Variants in AKAP9 observed in about 807,000 individuals in gnomAD.
The protein encoded by AKAP9 is A-kinase anchoring protein 9.
AKAP9 carries 311 observed loss-of-function variants against 488.5 expected under a neutral mutation model. That is an observed-to-expected ratio of 0.64 (90% CI 0.58 to 0.70). The LOEUF is 0.70. Ranked by LOEUF, AKAP9 falls within the 30% of genes least tolerant of loss-of-function variation. AKAP9 has a pLI of 0.00. For synonymous variants in AKAP9, 1,462 were observed against 1,483.5 expected, an observed-to-expected ratio of 0.99 and a Z score of 0.33; for missense variants, 4,215 against 4,374.5, an observed-to-expected ratio of 0.96 and a Z score of 1.03.
intron 48 of AKAP9, 40 bp from the exon 49 acceptor site, chr7:92,108,454 C>T: frequency 6.2e-7 from 1 of 1,610,594 alleles, no homozygotes; most frequent in Non-Finnish European, 8.5e-7. Context: ...ATGCATATTT[C>T]TGGATAACTT....
At chr7:91,976,766 A>G (rs1002987102) in intron 2 of AKAP9, among the ~76,000 whole-genome samples, 3 of 152,066 alleles carry the variant, frequency 2.0e-5, no homozygotes, top group South Asian at 2.1e-4. Flanking sequence ...ACTTAGATCT[A>G]CTACTGAGTC....
chr7:92,079,542 C>G lies in AKAP9; in HGVS notation c.7409C>G (p.Thr2470Arg), dbSNP rs1181295602. ...KDKPELEVVL[T>R]EDALKSLENQ... ...AAACCTGAACTAGAAGTAGTCCTTA[C>G]AGAGGATGCTCTTAAATCCCTAGAA... The change falls in exon 31 of 50, where the codon ACA (threonine) becomes AGA (arginine). Residue 2470 changes from threonine to arginine, a missense_variant. This residue lies in a region of AKAP9 where 1,476 missense variants were observed against 1,477.4 expected (regional missense o/e 1.00). Transcript: ENST00000356239. 2 of 1,613,780 alleles carry G rather than the reference C, an allele frequency of 1.2e-6. No homozygotes were observed. The highest frequency in any genetic ancestry group is 2.2e-5 in the South Asian group (2 of 91,078).
At chr7:92,016,915 C>G in intron 11 of AKAP9, 102 bp from the exon 12 acceptor site, 1 of 850,058 alleles carries the variant, frequency 1.2e-6, no homozygotes, top group Non-Finnish European at 1.9e-6. Flanking sequence ...TTACTTCTAG[C>G]AGGCAATTTT....
chr7:91,971,300 T>C (rs1186735913), intron 1 of AKAP9, among the ~76,000 whole-genome samples: 1 of 152,210 alleles, frequency 6.6e-6, no homozygotes, highest in Non-Finnish European at 1.5e-5. Context: ...CAAATCTTTC[T>C]CAGTTCCAAA....
Position 91,946,708 on chromosome 7 carries a change from T to G in AKAP9, c.48+5561T>G, listed in dbSNP as rs118036234. ...TCGGAATGAAGCAAAACATGGTGTT[T>G]AGAGAGAGAATGTGGAGGAAGGAAC... On this transcript the variant is annotated intron_variant, in intron 1 of 49. Coordinates refer to ENST00000356239, the MANE Select transcript of AKAP9 (RefSeq NM_005751.5). Among the ~76,000 whole-genome samples, 9 of 152,238 alleles carry G rather than the reference T, an allele frequency of 5.9e-5. No individual in the cohort carries two copies. The East Asian group carries it at 1.5e-3, about 26-fold the overall frequency.
chr7:92,109,048 A>AT, intron 49 of AKAP9: 10 of 237,534 alleles, frequency 4.2e-5, no homozygotes, highest in East Asian at 1.8e-4. Flanking sequence ...CCTGTCTCAA[A>AT]GAAAAAAAAA....
In AKAP9 at chr7:92,079,094, A is replaced by G. The variant is rs1290288696; in HGVS notation, c.6961A>G (p.Asn2321Asp). 2 of 1,605,640 alleles carry G rather than the reference A, an allele frequency of 1.2e-6. No homozygotes were observed. The highest frequency in any genetic ancestry group is 2.7e-5 in the African/African-American group (2 of 74,210). The change falls in exon 31 of 50, where the codon AAT becomes GAT. Residue 2321 changes from asparagine (N) to aspartate (D), a missense_variant. Physicochemically the swap from Asn to Asp is conservative, Grantham distance 23. Coordinates refer to ENST00000356239, the MANE Select transcript of AKAP9 (RefSeq NM_005751.5). ...TAATTATTAGGTTATTGAAGAAAAA[A>G]ATGAACTGATAAGGGATCTTGAAAC... ...TTDNKVIEEKNELIRDLETQI... is the reference protein window; with the variant it reads ...TTDNKVIEEKDELIRDLETQI...
At chr7:92,008,242 C>A (rs758619607) in intron 8 of AKAP9, among the ~76,000 whole-genome samples, 2 of 152,034 alleles carry the variant, frequency 1.3e-5, no homozygotes, top group Non-Finnish European at 2.9e-5. Flanking sequence ...GGGCGCGTGC[C>A]TGTAATCCTA....
At position 92,083,638 on chromosome 7, in the gene AKAP9, T is replaced by C. The variant is rs1287079089; in HGVS notation, c.8629T>C (p.Cys2877Arg). The C allele has an allele frequency of 6.2e-7, 1 of 1,611,482 alleles. No individual in the cohort carries two copies. The highest frequency in any genetic ancestry group is 1.1e-5 in the South Asian group (1 of 90,248). ...ECGTLKAVIQCLRSKEGSSIP... is the reference protein window; with the variant it reads ...ECGTLKAVIQRLRSKEGSSIP... ...TGGTACCTTGAAGGCAGTGATACAG[T>C]GTCTGAGAAGTAAAGAGGTATTTGG... The change falls in exon 33 of 50, where the codon TGT (cysteine) becomes CGT (arginine). Residue 2877 changes from cysteine (C) to arginine (R), a missense_variant. Around this residue, in one of 5 missense-constraint regions of AKAP9, gnomAD observed 1,476 missense variants for 1,477.4 expected, o/e 1.00. Transcript: ENST00000356239.
chr7:92,020,504 G>A (rs2130726011), intron 12 of AKAP9, among the ~76,000 whole-genome samples: 1 of 151,924 alleles, frequency 6.6e-6, no homozygotes, highest in Non-Finnish European at 1.5e-5. Context: ...CTCTTTTTTC[G>A]TTACTTTAAA....
At chr7:92,107,576 C>T in intron 48 of AKAP9, 154 bp downstream of exon 48, 1 of 729,446 alleles carries the variant, frequency 1.4e-6, no homozygotes, top group East Asian at 2.9e-5. Flanking sequence ...GTGGCTCACA[C>T]CTATAATCCC....
At chr7:92,109,065 A>G (rs1584610847) in intron 49 of AKAP9, 2 of 278,122 alleles carry the variant, frequency 7.2e-6, no homozygotes, top group East Asian at 5.7e-5. Flanking sequence ...AAAAAAAAAA[A>G]GAAAGTGGTA....
At chr7:92,095,723 T>A (rs928654703) in intron 40 of AKAP9, among the ~76,000 whole-genome samples, 5 of 152,186 alleles carry the variant, frequency 3.3e-5, no homozygotes, top group Non-Finnish European at 7.3e-5. Context: ...AGAGCTCTTC[T>A]AGCCACGTAA....
At chr7:92,084,231 G>A (rs1413005139) in intron 33 of AKAP9, among the ~76,000 whole-genome samples, 1 of 152,068 alleles carries the variant, frequency 6.6e-6, no homozygotes, top group Non-Finnish European at 1.5e-5. Context: ...TATCATTGAT[G>A]GGCATTTGGG....
chr7:92,073,214 A>T (rs2130848246), intron 28 of AKAP9, among the ~76,000 whole-genome samples: 1 of 152,064 alleles, frequency 6.6e-6, no homozygotes, highest in South Asian at 2.1e-4. Flanking sequence ...AAAAGGAAAC[A>T]GGCCAGGCGT....
intron 27 of AKAP9, among the ~76,000 whole-genome samples, chr7:92,070,494 G>A (rs1233968304): frequency 1.3e-5 from 2 of 151,866 alleles, no homozygotes; most frequent in South Asian, 2.1e-4. Context: ...GAGTGCAATG[G>A]TGCGACCTCA....
chr7:92,021,686 A>G (rs1222144364), intron 12 of AKAP9, among the ~76,000 whole-genome samples: 1 of 152,140 alleles, frequency 6.6e-6, no homozygotes, highest in Non-Finnish European at 1.5e-5. Context: ...TGATCCAGCC[A>G]TCTCAGCCTC....
intron 38 of AKAP9, chr7:92,090,700 A>T (rs1180951698): frequency 6.6e-6 from 1 of 151,810 alleles, no homozygotes; most frequent in East Asian, 1.9e-4. Flanking sequence ...ATGATTGAGC[A>T]TTTGGGTTGT....
chr7:92,071,123 T>A, intron 28 of AKAP9, 114 bp downstream of exon 28: 1 of 998,602 alleles, frequency 1.0e-6, no homozygotes, highest in Non-Finnish European at 1.6e-6. Context: ...AAGTTGAGGC[T>A]GTTTCTCAGC....
Sources: gnomAD v4.1 joint callset for allele counts (sites outside exome capture counted in the v4.1 genomes callset) on GRCh38, gnomAD v4.1.1 for gene constraint, gnomAD v4.1.1 regional missense constraint, MANE v1.5 for transcripts, NCBI Gene and HGNC (gene_info 2026-07-23, HGNC 2026-07-21) for gene names.